Variants in RRBP1 observed in about 807,000 individuals in gnomAD.
The protein encoded by RRBP1 is ribosome-binding protein 1.
A neutral mutation model predicts 165.2 loss-of-function variants in RRBP1; 94 were observed. That is an observed-to-expected ratio of 0.57 (90% CI 0.48 to 0.68). The LOEUF (loss-of-function observed/expected upper bound fraction) is 0.68. RRBP1 is among the 30% of genes least tolerant of loss of function. The pLI is 0.00. For synonymous variants in RRBP1, 680 were observed against 714.5 expected, an observed-to-expected ratio of 0.95 and a Z score of 0.77; for missense variants, 1,676 against 1,763.0, an observed-to-expected ratio of 0.95 and a Z score of 0.88.
At position 17,624,527 on chromosome 20, in the gene RRBP1, T is replaced by A. The variant is rs139677789; in HGVS notation, c.3147+49A>T. On this transcript the variant is annotated intron_variant, in intron 13 of 24. Coordinates refer to ENST00000377813, the MANE Select transcript of RRBP1 (RefSeq NM_001365613.2). Reference sequence around the variant, plus strand: ...CTGTACGTCTTAGTGCATTTGTGCATCCTAGTGCACTTTCCATGGTGGGGG... The same window carrying A: ...CTGTACGTCTTAGTGCATTTGTGCAACCTAGTGCACTTTCCATGGTGGGGG... 3.9e-6 allele frequency: 5 copies of A among 1,271,852 alleles called. No homozygotes were observed. The South Asian group carries it at 5.1e-5, about 13-fold the overall frequency. The allele number at this position is 1,271,852 out of a possible 1,614,324, so 78.8% of individuals were successfully genotyped here.
chr20:17,640,776 C>G (rs2036339822), intron 5 of RRBP1, among the ~76,000 whole-genome samples: 1 of 152,200 alleles, frequency 6.6e-6, no homozygotes, highest in African/African-American at 2.4e-5. Flanking sequence ...CCTGCCCATC[C>G]CCCACCCAGT....
intron 2 of RRBP1, among the ~76,000 whole-genome samples, chr20:17,661,298 C>T (rs756167548): frequency 2.0e-5 from 3 of 152,190 alleles, no homozygotes; most frequent in East Asian, 1.9e-4. Context: ...AGCAATAGCT[C>T]CTGAGGAGTT....
At chr20:17,645,281 G>A (rs1377229950) in intron 3 of RRBP1, among the ~76,000 whole-genome samples, 1 of 152,252 alleles carries the variant, frequency 6.6e-6, no homozygotes, top group African/African-American at 2.4e-5. Context: ...AGTCCACAGA[G>A]TGCTCCCGAG....
At chr20:17,619,755 G>C (rs755891332) in intron 18 of RRBP1, 27 bp from the exon 19 acceptor site, 2 of 1,519,250 alleles carry the variant, frequency 1.3e-6, no homozygotes, top group East Asian at 2.3e-5. Context: ...ACACGCACAC[G>C]CATGCGCCAG....
intron 8 of RRBP1, 48 bp from the exon 9 acceptor site, chr20:17,630,009 G>A: frequency 6.4e-7 from 1 of 1,563,638 alleles, no homozygotes; most frequent in Non-Finnish European, 8.7e-7. Context: ...GAAGGACCAG[G>A]CCCTCAGCGG....
chr20:17,630,136 G>A (rs1276500423), intron 8 of RRBP1, among the ~76,000 whole-genome samples, 175 bp from the exon 9 acceptor site: 2 of 152,168 alleles, frequency 1.3e-5, no homozygotes, highest in African/African-American at 2.4e-5. Context: ...GCTTCACTTC[G>A]GCCAGAACCC....
chr20:17,651,303 T>C (rs2036552065), intron 3 of RRBP1, among the ~76,000 whole-genome samples: 1 of 152,234 alleles, frequency 6.6e-6, no homozygotes, highest in Non-Finnish European at 1.5e-5. Context: ...TCGTAAATTG[T>C]GAAACGTTTC....
chr20:17,614,492 G>T (rs1479989518), intron 24 of RRBP1, among the ~76,000 whole-genome samples: 2 of 152,144 alleles, frequency 1.3e-5, no homozygotes, highest in East Asian at 3.9e-4. Context: ...CCAGCAGGGG[G>T]ATCAGACACT....
rs2036401107 is a variant in RRBP1 at position 17,643,261 on chromosome 20, G to A, written c.1913-134C>T. ...TCTGACTGCTTGGGGTCAGCAGGCT[G>A]AGCATGGCGAGTCTGCTCCAGTGTC... On this transcript the variant is annotated intron_variant, in intron 3 of 24. Transcript: ENST00000377813. The surrounding 1 kb of genome is among the most constrained non-coding windows in gnomAD (Gnocchi z 4.3). 1 of 842,156 alleles carries A rather than the reference G, an allele frequency of 1.2e-6. No homozygotes were observed. The highest frequency in any genetic ancestry group is 2.6e-5 in the Admixed American group (1 of 37,908). The allele number at this position is 842,156 out of a possible 1,614,324, so 52.2% of individuals were successfully genotyped here.
chr20:17,642,120 G>A (rs569213120), intron 4 of RRBP1, among the ~76,000 whole-genome samples: 6 of 152,366 alleles, frequency 3.9e-5, no homozygotes, highest in South Asian at 4.1e-4. Context: ...CTGACCCAGC[G>A]TGTGTTGGGA....
At chr20:17,642,019 G>C (rs528669045) in intron 4 of RRBP1, 100 bp from the exon 5 acceptor site, 3 of 1,324,238 alleles carry the variant, frequency 2.3e-6, no homozygotes, top group African/African-American at 2.9e-5. Flanking sequence ...TGATGAAGTG[G>C]AGCAGGGGCT....
chr20:17,651,947 G>A (rs987944363), intron 3 of RRBP1, among the ~76,000 whole-genome samples: 1 of 152,320 alleles, frequency 6.6e-6, no homozygotes, highest in East Asian at 1.9e-4. Flanking sequence ...TACCACTCCT[G>A]CCAGGTCTCC....
At chr20:17,649,478 T>C (rs1250126362) in intron 3 of RRBP1, among the ~76,000 whole-genome samples, 3 of 152,002 alleles carry the variant, frequency 2.0e-5, no homozygotes, top group Non-Finnish European at 4.4e-5. Flanking sequence ...CCTCCTAAAC[T>C]GCACATCTGA....
chr20:17,679,181 T>C (rs1369940446), intron 2 of RRBP1, among the ~76,000 whole-genome samples: 4 of 152,226 alleles, frequency 2.6e-5, no homozygotes, highest in Admixed American at 1.3e-4. Flanking sequence ...AACAGGGTTA[T>C]TTTAAGGCCT....
In RRBP1 at chr20:17,625,604, T is replaced by C. The variant is rs2036002143; in HGVS notation, c.2964-2A>G. ...ACCTGGGACTCCAGCTCCTTGAGGC[T>C]GAAGGGACACAACGAGGTCACCGCC... On this transcript the variant is annotated splice_acceptor_variant, in intron 11 of 24. Transcript: ENST00000377813. LOFTEE classifies it high-confidence loss of function. 1 of 1,613,530 alleles carries C rather than the reference T, an allele frequency of 6.2e-7. No homozygotes were observed. The highest frequency in any genetic ancestry group is 8.5e-7 in the Non-Finnish European group (1 of 1,179,626).
At chr20:17,655,313 G>C (rs1600765250) in intron 3 of RRBP1, among the ~76,000 whole-genome samples, 1 of 152,216 alleles carries the variant, frequency 6.6e-6, no homozygotes, top group South Asian at 2.1e-4. Context: ...ACAACGCCCA[G>C]CTGCTTTTTG....
intron 3 of RRBP1, among the ~76,000 whole-genome samples, chr20:17,651,141 T>C (rs2036549262): frequency 6.6e-6 from 1 of 152,182 alleles, no homozygotes; most frequent in South Asian, 2.1e-4. Flanking sequence ...TGCCTTTCAT[T>C]TCCAAAGAAA....
Position 17,613,817 on chromosome 20 carries a change from C to A in RRBP1, c.*365G>T. On this transcript the variant is annotated 3_prime_UTR_variant, in exon 25 of 25. Coordinates refer to ENST00000377813, the MANE Select transcript of RRBP1 (RefSeq NM_001365613.2). Reference sequence around the variant, plus strand: ...TTGAGAACTGGCTGCCCGGTCCCACCCGCTTCCCGCCCCGCCCCACTGAAA... The same window carrying A: ...TTGAGAACTGGCTGCCCGGTCCCACACGCTTCCCGCCCCGCCCCACTGAAA... 4.5e-6 allele frequency: 1 copy of A among 219,950 alleles called. No homozygotes were observed. Among genetic ancestry groups the A allele is most frequent in the South Asian group, 7.4e-5 (1 of 13,600 alleles). The allele number at this position is 219,950 out of a possible 1,614,324, so 13.6% of individuals were successfully genotyped here. A position where few individuals can be genotyped will look rare whatever the true frequency, so the allele number is the denominator to read the frequency against.
chr20:17,662,132 G>C (rs2036777017), intron 2 of RRBP1, among the ~76,000 whole-genome samples: 1 of 152,032 alleles, frequency 6.6e-6, no homozygotes, highest in African/African-American at 2.4e-5. Context: ...GCGTGGCGGC[G>C]GGTGCCTGTA....
Sources: allele counts gnomAD v4.1 joint callset (sites outside exome capture counted in the v4.1 genomes callset), GRCh38; gene constraint gnomAD v4.1.1; non-coding constraint Gnocchi (gnomAD v3.1); transcripts MANE v1.5; gene names NCBI Gene and HGNC (gene_info 2026-07-23, HGNC 2026-07-21).